Variants in CUL5 observed in about 807,000 individuals in gnomAD.
CUL5 encodes cullin 5, also known as cullin-5.
CUL5 carries 26 observed loss-of-function variants against 108.8 expected under a neutral mutation model. The ratio of observed to expected loss-of-function variants is 0.24; its 90% CI spans 0.18 to 0.33. The LOEUF is 0.33. Ranked by LOEUF, CUL5 falls within the 10% of genes least tolerant of loss-of-function variation. The pLI is 1.00. For synonymous variants in CUL5, 334 were observed against 298.0 expected (o/e 1.12, Z -1.25); for missense variants, 524 against 909.2 (o/e 0.58, Z 5.45).
chr11:108,070,015 A>G (rs1462651859), intron 7 of CUL5, 81 bp from the exon 8 acceptor site: 6 of 868,486 alleles, frequency 6.9e-6, no homozygotes, highest in African/African-American at 3.3e-5. Context: ...TTGTTGAACA[A>G]TATTGTTTTA....
chr11:108,060,077 G>T (rs1355102122), intron 7 of CUL5, among the ~76,000 whole-genome samples: 1 of 151,932 alleles, frequency 6.6e-6, no homozygotes, highest in Non-Finnish European at 1.5e-5. Flanking sequence ...TTAAAAAGCT[G>T]AATAAGCAAC....
In CUL5 at chr11:108,044,523, A is replaced by G. The variant is rs189277044; in HGVS notation, c.135-1747A>G. On this transcript the variant is annotated intron_variant, in intron 2 of 18. Coordinates refer to ENST00000393094, the MANE Select transcript of CUL5 (RefSeq NM_003478.6). ...ACAGTGTCTCAAAAAAAAAAAAATT[A>G]GAATATAAAACAATTTGATTATTGA... Among the ~76,000 whole-genome samples, 405 of 151,724 alleles carry G rather than the reference A, an allele frequency of 2.7e-3. 2 individuals carry two copies. Among genetic ancestry groups the G allele is most frequent in the African/African-American group, 9.0e-3 (373 of 41,422 alleles).
At chr11:108,097,860 A>G (rs1864537677) in intron 17 of CUL5, 106 bp downstream of exon 17, 2 of 619,664 alleles carry the variant, frequency 3.2e-6, no homozygotes, top group Non-Finnish European at 5.8e-6. Flanking sequence ...AACATTATAT[A>G]CTGTCATCAC....
intron 4 of CUL5, among the ~76,000 whole-genome samples, chr11:108,052,339 G>A (rs11212498): frequency 0.064 from 9,690 of 152,196 alleles, 421 homozygotes; most frequent in Non-Finnish European, 0.1. Context: ...TTTTGAGACA[G>A]GGTCTTACTC....
intron 1 of CUL5, among the ~76,000 whole-genome samples, chr11:108,023,511 T>C (rs1409301560): frequency 1.3e-5 from 2 of 151,978 alleles, no homozygotes; most frequent in African/African-American, 2.4e-5. Context: ...GAATGTATCC[T>C]GGGTGTCTGG....
intron 7 of CUL5, among the ~76,000 whole-genome samples, chr11:108,064,700 A>G (rs1331001982): frequency 2.0e-5 from 3 of 152,114 alleles, no homozygotes; most frequent in African/African-American, 7.2e-5. Context: ...ACAGAGTGAT[A>G]CTCTGTCTCA....
intron 10 of CUL5, among the ~76,000 whole-genome samples, chr11:108,077,868 G>A (rs1863979209): frequency 6.6e-6 from 1 of 152,066 alleles, no homozygotes; most frequent in Non-Finnish European, 1.5e-5. Context: ...AGAATCACTT[G>A]AACCCAGGAG....
intron 12 of CUL5, 101 bp from the exon 13 acceptor site, chr11:108,089,391 A>G: frequency 1.2e-6 from 1 of 839,394 alleles, no homozygotes. Context: ...ATATGCTCAT[A>G]AAAGTTTCTG....
chr11:108,059,599 C>A (rs1447348063), intron 7 of CUL5, among the ~76,000 whole-genome samples: 1 of 152,082 alleles, frequency 6.6e-6, no homozygotes, highest in African/African-American at 2.4e-5. Context: ...ATGGAATAGG[C>A]CGGGCGCGGT....
intron 1 of CUL5, among the ~76,000 whole-genome samples, chr11:108,019,966 C>T (rs187943478): frequency 3.7e-4 from 57 of 152,006 alleles, no homozygotes; most frequent in African/African-American, 7.5e-4. Context: ...GGAGAGGTAC[C>T]AGGCTCTTTT....
Position 108,104,638 on chromosome 11 carries a change from A to G in CUL5, c.*254A>G, listed in dbSNP as rs917249173. On this transcript the variant is annotated 3_prime_UTR_variant, in exon 19 of 19. Transcript: ENST00000393094. ...TGCATTCATGAAGAGCCCATTATCA[A>G]CTTTTAAAAGTGAATTTGATTTGTA... 45 of 278,530 alleles carry G rather than the reference A, an allele frequency of 1.6e-4. No individual in the cohort carries two copies. Among genetic ancestry groups the G allele is most frequent in the Middle Eastern group, 1.0e-3 (1 of 976 alleles). The allele number at this position is 278,530 out of a possible 1,614,324, so 17.3% of individuals were successfully genotyped here. A position where few individuals can be genotyped will look rare whatever the true frequency, so the allele number is the denominator to read the frequency against.
intron 5 of CUL5, among the ~76,000 whole-genome samples, chr11:108,053,672 A>G (rs1370539067): frequency 2.1e-5 from 3 of 145,808 alleles, no homozygotes; most frequent in Admixed American, 1.4e-4. Flanking sequence ...TAAGTGGTAT[A>G]CCATGCTTTT....
Position 108,073,913 on chromosome 11 carries a change from G to A in CUL5, c.1113+416G>A, listed in dbSNP as rs143057731. On this transcript the variant is annotated intron_variant, in intron 10 of 18. Coordinates refer to ENST00000393094, the MANE Select transcript of CUL5 (RefSeq NM_003478.6). ...CTCCGTCCTTTCATGGGACTCCTTC[G>A]GGAGTTATGTTATACTTATCCTTGT... 351 of 154,966 alleles carry A rather than the reference G, an allele frequency of 2.3e-3. 1 individual carries two copies. Among genetic ancestry groups the A allele is most frequent in the Middle Eastern group, 0.02 (6 of 296 alleles). 9.6% of individuals were successfully genotyped at this position (154,966 alleles called of 1,614,324 possible).
chr11:108,016,478 T>C (rs1862194153), intron 1 of CUL5, among the ~76,000 whole-genome samples: 1 of 152,096 alleles, frequency 6.6e-6, no homozygotes, highest in Admixed American at 6.5e-5. Flanking sequence ...AGTCTGGAAT[T>C]CCTGGGCTCA....
intron 1 of CUL5, among the ~76,000 whole-genome samples, chr11:108,022,459 G>C (rs964675070): frequency 5.0e-4 from 76 of 152,230 alleles, no homozygotes; most frequent in African/African-American, 1.7e-3. Flanking sequence ...AAGTGGGATT[G>C]TTACAGATAC....
chr11:108,046,637 C>T, intron 3 of CUL5: 1 of 298,422 alleles, frequency 3.4e-6, no homozygotes, highest in African/African-American at 2.2e-5. Flanking sequence ...TGGGAGTCCC[C>T]ACCACCATTA....
At chr11:108,062,841 T>C (rs1363676770) in intron 7 of CUL5, among the ~76,000 whole-genome samples, 1 of 152,200 alleles carries the variant, frequency 6.6e-6, no homozygotes, top group Non-Finnish European at 1.5e-5. Flanking sequence ...GTTTTTGTTT[T>C]TGTTTTTGTT....
chr11:108,078,352 T>C lies in CUL5; in HGVS notation c.1178+112T>C, dbSNP rs545707023. 2.1e-4 allele frequency: 107 copies of C among 505,928 alleles called. 1 individual carries two copies. Among genetic ancestry groups the C allele is most frequent in the African/African-American group, 2.0e-3 (102 of 50,624 alleles). The allele number at this position is 505,928 out of a possible 1,614,324, so 31.3% of individuals were successfully genotyped here. A position where few individuals can be genotyped will look rare whatever the true frequency, so the allele number is the denominator to read the frequency against. On this transcript the variant is annotated intron_variant, in intron 11 of 18. Coordinates refer to ENST00000393094, the MANE Select transcript of CUL5 (RefSeq NM_003478.6). ...GGTTTATTTTTGTTATTGTTAGTTT[T>C]GTGACTTTTGCAGCTTTTGGCTATT...
At position 108,086,087 on chromosome 11, in the gene CUL5, T is replaced by C. The variant is rs180930953; in HGVS notation, c.1179-2440T>C. ...CTAAAACCATATATAATTGGAGTCATAGAGCATAGAAAAGAGGGTATTAAC... is the reference window on the plus strand; with the variant it reads ...CTAAAACCATATATAATTGGAGTCACAGAGCATAGAAAAGAGGGTATTAAC... On this transcript the variant is annotated intron_variant, in intron 11 of 18. Coordinates refer to ENST00000393094, the MANE Select transcript of CUL5 (RefSeq NM_003478.6). Among the ~76,000 whole-genome samples the C allele has an allele frequency of 2.5e-3, 385 of 152,290 alleles. 2 individuals are homozygous for C. Among genetic ancestry groups the C allele is most frequent in the African/African-American group, 8.6e-3 (357 of 41,572 alleles).
Sources: allele counts gnomAD v4.1 joint callset (sites outside exome capture counted in the v4.1 genomes callset), GRCh38; gene constraint gnomAD v4.1.1; transcripts MANE v1.5; gene names NCBI Gene and HGNC (gene_info 2026-07-23, HGNC 2026-07-21).